The following DNAJB1 variants were observed in gnomAD, a reference collection of about 807,000 sequenced individuals.
DNAJB1 encodes DnaJ heat shock protein family (Hsp40) member B1.
Under a neutral mutation model 24.0 loss-of-function variants are expected in DNAJB1, and 14 were observed. The observed-to-expected ratio is 0.58, with a 90% CI of 0.39 to 0.91. The LOEUF (loss-of-function observed/expected upper bound fraction) is 0.91. Ranked by LOEUF, DNAJB1 falls within the 40% of genes least tolerant of loss-of-function variation. The pLI is 0.00. For missense variants in DNAJB1, 517 were observed against 458.1 expected, an observed-to-expected ratio of 1.13 and a Z score of -1.17; for synonymous variants, 262 against 174.4, an observed-to-expected ratio of 1.50 and a Z score of -3.96.
upstream of DNAJB1, chr19:14,529,754 A>G (rs757369235): frequency 9.9e-6 from 16 of 1,613,690 alleles, 1 homozygote; most frequent in South Asian, 1.5e-4. Context: ...CTGCTGACCC[A>G]TTCTTTTTCC....
chr19:14,520,186 G>A (rs1463025394), upstream of DNAJB1, among the ~76,000 whole-genome samples: 1 of 152,164 alleles, frequency 6.6e-6, no homozygotes, highest in Non-Finnish European at 1.5e-5. Context: ...AGCAGGCATG[G>A]CACAAAGGAA....
chr19:14,539,353 G>A (rs953547071), intron 1 of DNAJB1, among the ~76,000 whole-genome samples: 1 of 151,914 alleles, frequency 6.6e-6, no homozygotes, highest in African/African-American at 2.4e-5. Flanking sequence ...CCTTGGGGAA[G>A]TCACACCACA....
chr19:14,515,720 T>C lies in DNAJB1; in HGVS notation c.*220A>G. On this transcript the variant is annotated 3_prime_UTR_variant, in exon 3 of 3. Transcript: ENST00000254322. ...CCAGTGGGGCAGACTGGAATGCCTT[T>C]TCCTGCTGTTCCCACCACCTGATGC... 3 of 512,018 alleles carry C rather than the reference T, an allele frequency of 5.9e-6. No individual in the cohort carries two copies. Among genetic ancestry groups the C allele is most frequent in the Non-Finnish European group, 1.0e-5 (3 of 294,536 alleles). 31.7% of individuals were successfully genotyped at this position (512,018 alleles called of 1,614,324 possible).
At chr19:14,538,191 G>A (rs910633379) in intron 1 of DNAJB1, among the ~76,000 whole-genome samples, 3 of 152,186 alleles carry the variant, frequency 2.0e-5, no homozygotes, top group Non-Finnish European at 4.4e-5. Context: ...AGCAGAGCTG[G>A]GATTCTTCTA....
chr19:14,550,511 C>G (rs1348783856), upstream of DNAJB1, among the ~76,000 whole-genome samples: 1 of 152,072 alleles, frequency 6.6e-6, no homozygotes, highest in Non-Finnish European at 1.5e-5. Flanking sequence ...CGCCTTCCTG[C>G]CCTGAGTTGG....
chr19:14,534,924 C>G (rs1254850212), intron 1 of DNAJB1, among the ~76,000 whole-genome samples: 1 of 152,174 alleles, frequency 6.6e-6, no homozygotes, highest in Non-Finnish European at 1.5e-5. Context: ...TGATGCTGCC[C>G]TAGGACAGCT....
chr19:14,518,826 C>T (rs1020043859), upstream of DNAJB1, among the ~76,000 whole-genome samples: 2 of 152,262 alleles, frequency 1.3e-5, no homozygotes, highest in Non-Finnish European at 2.9e-5. Context: ...TGAACCTGCT[C>T]GCCCTTGTCT....
At chr19:14,537,641 G>T (rs895654613) in intron 1 of DNAJB1, among the ~76,000 whole-genome samples, 1 of 152,158 alleles carries the variant, frequency 6.6e-6, no homozygotes, top group African/African-American at 2.4e-5. Flanking sequence ...GATACTGATA[G>T]TGGCAGCTGA....
At chr19:14,534,927 G>C (rs2072808505) in intron 1 of DNAJB1, among the ~76,000 whole-genome samples, 1 of 152,174 alleles carries the variant, frequency 6.6e-6, no homozygotes, top group African/African-American at 2.4e-5. Context: ...TGCTGCCCTA[G>C]GACAGCTGGT....
upstream of DNAJB1, chr19:14,529,670 G>A: frequency 6.2e-7 from 1 of 1,613,830 alleles, no homozygotes; most frequent in Non-Finnish European, 8.5e-7. Context: ...AGCAGCCGCG[G>A]AGCAGTAGCC....
At chr19:14,535,560 A>ATATATG (rs2072857313) in intron 1 of DNAJB1, among the ~76,000 whole-genome samples, 1 of 21,856 alleles carries the variant, frequency 4.6e-5, no homozygotes, top group Non-Finnish European at 8.5e-5. Flanking sequence ...ATATATATAT[A>ATATATG]TATATATATA....
intron 1 of DNAJB1, among the ~76,000 whole-genome samples, chr19:14,543,789 A>G (rs2073210940): frequency 6.6e-6 from 1 of 150,998 alleles, no homozygotes; most frequent in Non-Finnish European, 1.5e-5. Flanking sequence ...CCCAGGCTGG[A>G]GTGCAGTGGT....
upstream of DNAJB1, among the ~76,000 whole-genome samples, chr19:14,550,423 A>AGCTCCTCCT (rs1226463343): frequency 6.6e-6 from 1 of 152,054 alleles, no homozygotes; most frequent in Non-Finnish European, 1.5e-5. Context: ...GGCCCGGATG[A>AGCTCCTCCT]GCTCCTCCTG....
At chr19:14,529,856 C>A, upstream of DNAJB1, 1 of 1,110,338 alleles carries the variant, frequency 9.0e-7, no homozygotes, top group Non-Finnish European at 1.3e-6. Context: ...CGTTGCGCCC[C>A]GGGCCACTCG....
intron 1 of DNAJB1, among the ~76,000 whole-genome samples, chr19:14,540,765 G>A (rs888669597): frequency 1.3e-5 from 2 of 152,182 alleles, no homozygotes; most frequent in African/African-American, 4.8e-5. Context: ...TTGATCTTAA[G>A]TGATCTGCCG....
intron 1 of DNAJB1, among the ~76,000 whole-genome samples, chr19:14,547,076 C>T (rs1424692286): frequency 3.3e-5 from 5 of 152,010 alleles, no homozygotes. Context: ...ATAATAAGAT[C>T]CTATGAAGGA....
intron 1 of DNAJB1, among the ~76,000 whole-genome samples, chr19:14,543,814 T>G (rs1262270346): frequency 2.0e-5 from 3 of 151,468 alleles, no homozygotes; most frequent in Non-Finnish European, 4.4e-5. Flanking sequence ...TCGCAGCTCA[T>G]TGCAACCTCT....
upstream of DNAJB1, chr19:14,530,072 AATCTTGCGCCACGCC>A: frequency 7.8e-6 from 3 of 385,392 alleles, no homozygotes; most frequent in Non-Finnish European, 1.5e-5. Flanking sequence ...GTCTTGCACA[AATCTTGCGCCACGCC>A]GCCGTCACCA....
At chr19:14,548,641 G>C (rs905831222) in intron 1 of DNAJB1, among the ~76,000 whole-genome samples, 2 of 151,962 alleles carry the variant, frequency 1.3e-5, no homozygotes, top group African/African-American at 4.8e-5. Context: ...GCGGTGGTGC[G>C]ATCTCGACTC....
Sources: allele counts gnomAD v4.1 joint callset (sites outside exome capture counted in the v4.1 genomes callset), GRCh38; gene constraint gnomAD v4.1.1; transcripts MANE v1.5; gene names NCBI Gene and HGNC (gene_info 2026-07-23, HGNC 2026-07-21).